The following ZNG1E variants were observed in gnomAD, a reference collection of about 807,000 sequenced individuals.
ZNG1E encodes the protein Zn regulated GTPase metalloprotein activator 1E, also known as zinc-regulated GTPase metalloprotein activator 1E.
the ZNG1E span, among the ~76,000 whole-genome samples, chr9:65,663,075 C>T: frequency 6.6e-6 from 1 of 152,228 alleles, no homozygotes; most frequent in African/African-American, 2.4e-5. Flanking sequence ...AGGGCAAAGG[C>T]CTGTGAACCC....
At chr9:65,732,947 T>A in the ZNG1E span, 11 of 1,608,274 alleles carry the variant, frequency 6.8e-6, no homozygotes, top group Admixed American at 1.7e-4. Flanking sequence ...TGCTTTTAAG[T>A]TTGAACTGAG....
the ZNG1E span, among the ~76,000 whole-genome samples, chr9:65,727,724 C>A: frequency 1.0e-5 from 1 of 99,604 alleles, no homozygotes. Context: ...ACATATGCAC[C>A]TAACACTGGA....
the ZNG1E span, among the ~76,000 whole-genome samples, chr9:65,660,661 C>T: frequency 6.6e-6 from 1 of 151,618 alleles, no homozygotes; most frequent in Non-Finnish European, 1.5e-5. Flanking sequence ...AAGAATGAAG[C>T]TATTGTGGTG....
At chr9:65,733,698 TTTAG>T in the ZNG1E span, 1 of 979,360 alleles carries the variant, frequency 1.0e-6, no homozygotes, top group Non-Finnish European at 1.6e-6. Context: ...TATTTATTAC[TTTAG>T]TTACGAATTC....
chr9:65,727,304 A>G, the ZNG1E span, among the ~76,000 whole-genome samples: 1 of 149,172 alleles, frequency 6.7e-6, no homozygotes, highest in Non-Finnish European at 1.5e-5. Flanking sequence ...CACAGGACCT[A>G]TAAAACAAAA....
the ZNG1E span, among the ~76,000 whole-genome samples, chr9:65,691,279 C>T: frequency 2.0e-4 from 30 of 150,200 alleles, no homozygotes; most frequent in Admixed American, 4.0e-4. Context: ...GACGGGGTTT[C>T]GCCATGTTGG....
At chr9:65,704,266 A>G in the ZNG1E span, 1 of 13,134 alleles carries the variant, frequency 7.6e-5, no homozygotes, top group Non-Finnish European at 9.7e-5. Flanking sequence ...TGATTAGTTT[A>G]TTATGTAACA....
chr9:65,715,075 G>T, the ZNG1E span, among the ~76,000 whole-genome samples: 2 of 149,458 alleles, frequency 1.3e-5, no homozygotes, highest in East Asian at 3.9e-4. Flanking sequence ...GACTCTCCGA[G>T]CCAGGTGTGG....
the ZNG1E span, among the ~76,000 whole-genome samples, chr9:65,687,489 C>A: frequency 6.6e-6 from 1 of 152,262 alleles, no homozygotes; most frequent in Non-Finnish European, 1.5e-5. Context: ...ATTTATCAGT[C>A]ACACTTTTTT....
At chr9:65,702,371 C>A in the ZNG1E span, among the ~76,000 whole-genome samples, 3 of 151,434 alleles carry the variant, frequency 2.0e-5, no homozygotes, top group Admixed American at 6.6e-5. Flanking sequence ...CTTTTTGGTG[C>A]CATACAAAGC....
the ZNG1E span, among the ~76,000 whole-genome samples, chr9:65,686,862 C>A: frequency 1.3e-5 from 2 of 152,262 alleles, no homozygotes; most frequent in Non-Finnish European, 2.9e-5. Flanking sequence ...CTCTCTCAGC[C>A]TTCACAGAAC....
chr9:65,720,098 G>C, the ZNG1E span: 7 of 1,591,624 alleles, frequency 4.4e-6, no homozygotes, highest in Admixed American at 1.2e-4. Context: ...ATCAGGTAAA[G>C]AAAAAAAATC....
At chr9:65,659,694 G>A in the ZNG1E span, among the ~76,000 whole-genome samples, 1 of 152,186 alleles carries the variant, frequency 6.6e-6, no homozygotes, top group Non-Finnish European at 1.5e-5. Context: ...AGACAATTAA[G>A]AGTAGTAGTG....
At chr9:65,662,940 G>T in the ZNG1E span, among the ~76,000 whole-genome samples, 18 of 152,246 alleles carry the variant, frequency 1.2e-4, no homozygotes, top group East Asian at 3.3e-3. Context: ...GAATCTTCTT[G>T]ATCCAAGAGC....
chr9:65,660,478 A>G, the ZNG1E span, among the ~76,000 whole-genome samples: 1 of 152,244 alleles, frequency 6.6e-6, no homozygotes, highest in African/African-American at 2.4e-5. Context: ...AATGAAAAAG[A>G]AATAATCTAA....
chr9:65,687,419 A>T, the ZNG1E span, among the ~76,000 whole-genome samples: 4 of 151,350 alleles, frequency 2.6e-5, no homozygotes, highest in Non-Finnish European at 5.9e-5. Context: ...CACTTCATTG[A>T]TTCAAAATAT....
the ZNG1E span, among the ~76,000 whole-genome samples, chr9:65,714,872 A>G: frequency 6.6e-6 from 1 of 151,984 alleles, no homozygotes; most frequent in Non-Finnish European, 1.5e-5. Flanking sequence ...CCCTGCCCCC[A>G]GAGGTGGAGC....
the ZNG1E span, chr9:65,668,667 A>G: frequency 7.6e-6 from 1 of 131,406 alleles, no homozygotes; most frequent in Non-Finnish European, 1.6e-5. Context: ...AGTAGCTGGG[A>G]CTACTGGTGC....
the ZNG1E span, chr9:65,720,000 GA>G: frequency 6.3e-7 from 1 of 1,598,088 alleles, no homozygotes; most frequent in Admixed American, 1.7e-5. Flanking sequence ...AGTTAAATCA[GA>G]AGTGTATTAA....
Sources: gnomAD v4.1 joint callset for allele counts (sites outside exome capture counted in the v4.1 genomes callset) on GRCh38, gnomAD v4.1.1 for gene constraint, MANE v1.5 for transcripts, NCBI Gene and HGNC (gene_info 2026-07-23, HGNC 2026-07-21) for gene names.